SYTL5: variants seen among roughly 807,000 people sequenced by gnomAD.
SYTL5 encodes the protein synaptotagmin-like protein 5.
In SYTL5, 34 loss-of-function variants were observed where a neutral mutation model predicts 55.9. The ratio of observed to expected loss-of-function variants is 0.61; its 90% CI spans 0.46 to 0.81. SYTL5 has a LOEUF of 0.81. Ranked by LOEUF, SYTL5 falls within the 30% of genes least tolerant of loss-of-function variation. The probability of loss-of-function intolerance (pLI) is 0.00; values close to 1 mark genes in which losing one functional copy is unlikely to be tolerated. For synonymous variants in SYTL5, 221 were observed against 188.7 expected, an observed-to-expected ratio of 1.17 and a Z score of -1.40; for missense variants, 637 against 546.7, an observed-to-expected ratio of 1.17 and a Z score of -1.65.
chrX:37,946,495 G>A, the SYTL5 span: 1 of 232,957 alleles, frequency 4.3e-6, no homozygotes, highest in Non-Finnish European at 8.2e-6. Context: ...TTTTTCATTG[G>A]AATCATGCTT....
chrX:38,110,347 A>G lies in SYTL5; in HGVS notation c.1461A>G (p.Glu487=). Residue 487 remains glutamate, a synonymous_variant, in exon 13 of 17, where the codon GAA becomes GAG. Coordinates refer to ENST00000297875, the MANE Select transcript of SYTL5 (RefSeq NM_138780.3). ...LKYTISHTQL[E]TRTLQLSVWH... is the part of the protein sequence containing the mutation. ...ACACTATCAGCCATACCCAGCTGGA[A>G]ACAAGAACTCTGCAGCTCTCAGTCT... The G allele has an allele frequency of 8.3e-7, 1 of 1,206,830 alleles. No individual in the cohort carries two copies. The highest frequency in any genetic ancestry group is 1.1e-6 in the Non-Finnish European group (1 of 892,904).
At chrX:37,988,383 A>T in the SYTL5 span, among the ~76,000 whole-genome samples, 1 of 112,096 alleles carries the variant, frequency 8.9e-6, no homozygotes, top group African/African-American at 3.2e-5. Context: ...GGTTTGTAAG[A>T]TACTAAATGC....
intron 9 of SYTL5, among the ~76,000 whole-genome samples, chrX:38,100,839 G>T (rs909538343): frequency 9.0e-6 from 1 of 111,103 alleles, no homozygotes; most frequent in Non-Finnish European, 1.9e-5. Flanking sequence ...TATATACTGT[G>T]TTGTGTGTAT....
upstream of SYTL5, among the ~76,000 whole-genome samples, chrX:38,004,280 A>C (rs945588811): frequency 9.0e-6 from 1 of 111,630 alleles, no homozygotes. Context: ...AATGTGCTAG[A>C]GAGGTTTCCC....
intron 1 of SYTL5, among the ~76,000 whole-genome samples, chrX:38,025,774 G>T (rs1427576949): frequency 1.8e-5 from 2 of 112,180 alleles, no homozygotes; most frequent in Admixed American, 1.9e-4. Flanking sequence ...ATGGGTAAGG[G>T]ATTCTCCAGG....
At chrX:37,963,007 A>T in the SYTL5 span, among the ~76,000 whole-genome samples, 2 of 110,427 alleles carry the variant, frequency 1.8e-5, no homozygotes, top group African/African-American at 6.6e-5. Context: ...AACAATATTC[A>T]CTCCTTCAAT....
chrX:37,930,350 G>A, the SYTL5 span, among the ~76,000 whole-genome samples: 1 of 112,058 alleles, frequency 8.9e-6, no homozygotes, highest in Admixed American at 9.4e-5. Flanking sequence ...ATACGAATAT[G>A]TTTTTGTCAA....
intron 6 of SYTL5, among the ~76,000 whole-genome samples, chrX:38,079,890 G>C (rs1602375717): frequency 8.9e-6 from 1 of 112,406 alleles, no homozygotes; most frequent in Admixed American, 9.4e-5. Flanking sequence ...GACTTAGCAA[G>C]TGAAGATACA....
At chrX:37,944,971 A>G in the SYTL5 span, among the ~76,000 whole-genome samples, 3 of 112,651 alleles carry the variant, frequency 2.7e-5, no homozygotes, top group East Asian at 2.8e-4. Context: ...TATACTAATA[A>G]TTAAATAGAT....
rs759426533 is a variant in SYTL5, at chrX:38,029,215, T to C, written c.-356-4319T>C. 6.2e-5 allele frequency among the ~76,000 whole-genome samples: 7 copies of C among 112,293 alleles called. No homozygotes were observed. The South Asian group carries it at 2.6e-3, about 41-fold the overall frequency. On this transcript the variant is annotated intron_variant, in intron 1 of 16. Coordinates refer to ENST00000297875, the MANE Select transcript of SYTL5 (RefSeq NM_138780.3). ...ATATGTTCACACACAGAATTTCTTT[T>C]AAAAGATTAGTTTGTCACAAGACTT...
At chrX:37,991,496 G>A in the SYTL5 span, among the ~76,000 whole-genome samples, 1 of 111,101 alleles carries the variant, frequency 9.0e-6, no homozygotes, top group Admixed American at 9.5e-5. Context: ...CCTGTGGGGA[G>A]GAACTGGCTG....
chrX:37,943,532 A>G, the SYTL5 span, among the ~76,000 whole-genome samples: 3 of 111,454 alleles, frequency 2.7e-5, no homozygotes, highest in African/African-American at 9.8e-5. Context: ...AGACCAACTC[A>G]ACATAACTCC....
chrX:38,108,534 A>T lies in SYTL5; in HGVS notation c.1335-66A>T, dbSNP rs913002567. 4 of 838,456 alleles carry T rather than the reference A, an allele frequency of 4.8e-6. No homozygotes were observed. In the African/African-American group the frequency reaches 6.2e-5, roughly 13 times the overall value. 69.1% of individuals were successfully genotyped at this position (838,456 alleles called of 1,213,427 possible). On this transcript the variant is annotated intron_variant, in intron 11 of 16. Coordinates refer to ENST00000297875, the MANE Select transcript of SYTL5 (RefSeq NM_138780.3). ...CCTTTGCCCCTTTTATTCACAGCGAAGTCTTTGAACATTTCTTGCAAATAG... is the reference window on the plus strand; with the variant it reads ...CCTTTGCCCCTTTTATTCACAGCGATGTCTTTGAACATTTCTTGCAAATAG...
the SYTL5 span, among the ~76,000 whole-genome samples, chrX:37,959,258 C>T: frequency 9.0e-6 from 1 of 111,709 alleles, no homozygotes; most frequent in Admixed American, 9.5e-5. Flanking sequence ...ATGAATAAAA[C>T]GTACACTGAC....
chrX:37,911,964 G>T, the SYTL5 span, among the ~76,000 whole-genome samples: 16,952 of 111,136 alleles, frequency 0.15, 1,047 homozygotes, highest in African/African-American at 0.2. Flanking sequence ...AACTTAAAAA[G>T]GTATTCAACT....
the SYTL5 span, among the ~76,000 whole-genome samples, chrX:37,983,740 A>G: frequency 2.1e-4 from 24 of 112,092 alleles, no homozygotes; most frequent in Admixed American, 2.8e-4. Flanking sequence ...GTGCTAGGCC[A>G]TAAAATAAAC....
the SYTL5 span, among the ~76,000 whole-genome samples, chrX:37,930,276 T>C: frequency 8.9e-6 from 1 of 112,117 alleles, no homozygotes. Context: ...GATTTTTAGC[T>C]GGGCACATGT....
chrX:37,995,467 C>A, the SYTL5 span, among the ~76,000 whole-genome samples: 12 of 112,017 alleles, frequency 1.1e-4, no homozygotes, highest in African/African-American at 3.9e-4. Context: ...TATTCCCAGG[C>A]AACTCATTGT....
chrX:38,073,708 G>C lies in SYTL5; in HGVS notation c.554+10G>C. 8.9e-7 allele frequency: 1 copy of C among 1,117,894 alleles called. No individual in the cohort carries two copies. The highest frequency in any genetic ancestry group is 1.2e-6 in the Non-Finnish European group (1 of 828,489). 92.1% of individuals were successfully genotyped at this position (1,117,894 alleles called of 1,213,427 possible). A position where few individuals can be genotyped will look rare whatever the true frequency, so the allele number is the denominator to read the frequency against. On this transcript the variant is annotated intron_variant, in intron 5 of 16. Coordinates refer to ENST00000297875, the MANE Select transcript of SYTL5 (RefSeq NM_138780.3). ...GGCCCAAGAGAAAGGGGTAAGACAT[G>C]GTCTTTCTGAGGGAATTTTTGATCT...
Sources: allele counts gnomAD v4.1 joint callset (sites outside exome capture counted in the v4.1 genomes callset), GRCh38; gene constraint gnomAD v4.1.1; transcripts MANE v1.5; gene names NCBI Gene and HGNC (gene_info 2026-07-23, HGNC 2026-07-21).